Variants in COX7B2 observed in about 807,000 individuals in gnomAD.
COX7B2 encodes cytochrome c oxidase subunit 7B2, mitochondrial.
For missense variants in COX7B2, 109 were observed against 95.9 expected (o/e 1.14, Z -0.57); for synonymous variants, 37 against 32.1 (o/e 1.15, Z -0.51).
intron 2 of COX7B2, among the ~76,000 whole-genome samples, chr4:46,843,655 C>T (rs1436032250): frequency 6.6e-6 from 1 of 152,006 alleles, no homozygotes; most frequent in Non-Finnish European, 1.5e-5. Flanking sequence ...AAGCAGTCTA[C>T]TGCAAACAGT....
At chr4:46,820,832 A>ATAT (rs1553889358) in intron 2 of COX7B2, among the ~76,000 whole-genome samples, 11 of 141,382 alleles carry the variant, frequency 7.8e-5, no homozygotes, top group South Asian at 2.2e-4. Flanking sequence ...AAAAAAAAAA[A>ATAT]AAATATATAT....
At chr4:46,827,923 G>A (rs1444665612) in intron 2 of COX7B2, among the ~76,000 whole-genome samples, 1 of 152,086 alleles carries the variant, frequency 6.6e-6, no homozygotes, top group Non-Finnish European at 1.5e-5. Flanking sequence ...TGGTTGCCTG[G>A]GACTGGGATC....
At chr4:46,888,079 T>C (rs1719189345) in intron 1 of COX7B2, among the ~76,000 whole-genome samples, 1 of 152,180 alleles carries the variant, frequency 6.6e-6, no homozygotes, top group Admixed American at 6.5e-5. Flanking sequence ...TGATCACAAC[T>C]TCACTGATAA....
chr4:46,857,548 C>T (rs958253139), intron 1 of COX7B2, among the ~76,000 whole-genome samples: 1 of 152,124 alleles, frequency 6.6e-6, no homozygotes, highest in Non-Finnish European at 1.5e-5. Flanking sequence ...GCCTCATACT[C>T]CTTTGCTGCT....
At chr4:46,746,343 G>C in intron 2 of COX7B2, among the ~76,000 whole-genome samples, 1 of 152,192 alleles carries the variant, frequency 6.6e-6, no homozygotes, top group Non-Finnish European at 1.5e-5. Flanking sequence ...ACTCATATAT[G>C]TGTTTTCTAA....
At chr4:46,901,697 A>G (rs1720079345) in intron 1 of COX7B2, among the ~76,000 whole-genome samples, 1 of 152,216 alleles carries the variant, frequency 6.6e-6, no homozygotes, top group African/African-American at 2.4e-5. Context: ...CAGCCAATCT[A>G]TTGGGGGTCC....
At chr4:46,832,028 C>T (rs1715154994) in intron 2 of COX7B2, among the ~76,000 whole-genome samples, 1 of 152,152 alleles carries the variant, frequency 6.6e-6, no homozygotes, top group African/African-American at 2.4e-5. Flanking sequence ...CCAATCAGCT[C>T]TCTGTAAAAT....
intron 2 of COX7B2, among the ~76,000 whole-genome samples, chr4:46,787,065 T>C (rs1049162206): frequency 6.6e-6 from 1 of 152,204 alleles, no homozygotes; most frequent in African/African-American, 2.4e-5. Flanking sequence ...TGTGTGATCT[T>C]AGGAAGGAAT....
At chr4:46,749,396 G>C (rs943935538) in intron 2 of COX7B2, among the ~76,000 whole-genome samples, 5 of 151,968 alleles carry the variant, frequency 3.3e-5, no homozygotes, top group Admixed American at 2.0e-4. Flanking sequence ...CAATACCTCT[G>C]CCATTCCCCA....
At chr4:46,774,556 G>C (rs58221716) in intron 2 of COX7B2, among the ~76,000 whole-genome samples, 5,114 of 152,136 alleles carry the variant, frequency 0.034, 218 homozygotes, top group African/African-American at 0.1. Flanking sequence ...GGACTGTTGT[G>C]TATTCCCCCT....
intron 1 of COX7B2, among the ~76,000 whole-genome samples, chr4:46,861,384 A>G (rs1717325360): frequency 1.3e-5 from 2 of 152,190 alleles, no homozygotes; most frequent in Admixed American, 6.5e-5. Flanking sequence ...AAAAGAGAAA[A>G]TAACGGAGAT....
At chr4:46,869,966 G>C (rs1345689164) in intron 1 of COX7B2, among the ~76,000 whole-genome samples, 1 of 152,120 alleles carries the variant, frequency 6.6e-6, no homozygotes, top group Non-Finnish European at 1.5e-5. Context: ...ACTGAAATAT[G>C]TTTTCCAGGT....
rs550721854 is a variant in COX7B2, at chr4:46,856,136, T to C, written c.-104-11122A>G. 6.6e-5 allele frequency among the ~76,000 whole-genome samples: 10 copies of C among 152,076 alleles called. No homozygotes were observed. The East Asian group carries it at 1.9e-3, about 30-fold the overall frequency. On this transcript the variant is annotated intron_variant, in intron 1 of 2. Coordinates refer to ENST00000355591, the MANE Select transcript of COX7B2 (RefSeq NM_130902.3). ...GTGCACCCATGTAATCCCAGCTACT[T>C]GGGTGGCTGAGGCAGGAGGATCACT... is the stretch of plus-strand genomic sequence containing the variant.
At chr4:46,887,882 A>G (rs1027111014) in intron 1 of COX7B2, among the ~76,000 whole-genome samples, 6 of 152,046 alleles carry the variant, frequency 3.9e-5, no homozygotes, top group Non-Finnish European at 8.8e-5. Flanking sequence ...AAAGGTTGGG[A>G]GTTGGCCATG....
chr4:46,861,029 C>T (rs550321412), intron 1 of COX7B2, among the ~76,000 whole-genome samples: 6 of 152,266 alleles, frequency 3.9e-5, no homozygotes, highest in Admixed American at 6.5e-5. Flanking sequence ...GATGCTCTGG[C>T]GTTTTCAGCA....
At chr4:46,852,059 T>A (rs1159777284) in intron 1 of COX7B2, among the ~76,000 whole-genome samples, 1 of 152,100 alleles carries the variant, frequency 6.6e-6, no homozygotes, top group Admixed American at 6.6e-5. Context: ...TATATTACTA[T>A]GGTGTTTGCC....
chr4:46,892,366 C>T (rs185979312), intron 1 of COX7B2, among the ~76,000 whole-genome samples: 76 of 152,282 alleles, frequency 5.0e-4, no homozygotes, highest in Admixed American at 8.5e-4. Context: ...TTTTGAATCA[C>T]TGTCATGTAT....
At chr4:46,853,947 GC>G (rs1716856123) in intron 1 of COX7B2, among the ~76,000 whole-genome samples, 1 of 152,162 alleles carries the variant, frequency 6.6e-6, no homozygotes, top group South Asian at 2.1e-4. Context: ...AAATTTTAAA[GC>G]AAAATAATTA....
chr4:46,822,646 T>C (rs1411784712), intron 2 of COX7B2, among the ~76,000 whole-genome samples: 1 of 152,182 alleles, frequency 6.6e-6, no homozygotes, highest in Non-Finnish European at 1.5e-5. Flanking sequence ...ATGGCCTAGA[T>C]GTTTTCACAA....
Sources: gnomAD v4.1 joint callset for allele counts (sites outside exome capture counted in the v4.1 genomes callset) on GRCh38, gnomAD v4.1.1 for gene constraint, MANE v1.5 for transcripts, NCBI Gene and HGNC (gene_info 2026-07-23, HGNC 2026-07-21) for gene names.